Variants in RASAL2 observed in about 807,000 individuals in gnomAD.
RASAL2 encodes the protein RAS protein activator like 2.
A neutral mutation model predicts 128.9 loss-of-function variants in RASAL2; 58 were observed. The observed-to-expected ratio is 0.45, with a 90% CI of 0.36 to 0.56. RASAL2 has a LOEUF of 0.56. Among genes scored for constraint, RASAL2 ranks in the 20% least tolerant of loss-of-function variants. The pLI is 0.00. For synonymous variants in RASAL2, 561 were observed against 580.8 expected (o/e 0.97, Z 0.49); for missense variants, 1,360 against 1,601.6 (o/e 0.85, Z 2.57).
At chr1:178,123,906 C>T (rs1345888265) in intron 1 of RASAL2, 1 of 152,410 alleles carries the variant, frequency 6.6e-6, no homozygotes, top group Non-Finnish European at 1.5e-5. Context: ...CTTCTGGGCT[C>T]AAGCGATCCT....
At chr1:178,116,619 A>AT (rs1023379625) in intron 1 of RASAL2, among the ~76,000 whole-genome samples, 10 of 150,598 alleles carry the variant, frequency 6.6e-5, no homozygotes, top group Non-Finnish European at 8.9e-5. Flanking sequence ...ATTTTATTTT[A>AT]TTTTTTTTGA....
intron 1 of RASAL2, among the ~76,000 whole-genome samples, chr1:178,152,092 C>T (rs1203461586): frequency 6.6e-6 from 1 of 152,146 alleles, no homozygotes; most frequent in Non-Finnish European, 1.5e-5. Context: ...TGAATTGCCT[C>T]AGGATATGGC....
At chr1:178,174,305 C>T (rs564684982) in intron 1 of RASAL2, among the ~76,000 whole-genome samples, 1 of 151,860 alleles carries the variant, frequency 6.6e-6, no homozygotes, top group African/African-American at 2.4e-5. Flanking sequence ...TTTCTATATC[C>T]TAATTATTTG....
At chr1:178,406,001 A>G (rs1361959902) in intron 4 of RASAL2, among the ~76,000 whole-genome samples, 2 of 152,182 alleles carry the variant, frequency 1.3e-5, no homozygotes, top group African/African-American at 2.4e-5. Flanking sequence ...ATAACTAAGG[A>G]TTCCTTCCCT....
chr1:178,152,364 CTT>C (rs1660941481), intron 1 of RASAL2, among the ~76,000 whole-genome samples: 1 of 152,158 alleles, frequency 6.6e-6, no homozygotes, highest in African/African-American at 2.4e-5. Context: ...GGTTGTATCT[CTT>C]ATAATAAATC....
Position 178,404,210 on chromosome 1 carries a change from T to C in RASAL2, c.564+14004T>C, listed in dbSNP as rs180952309. Among the ~76,000 whole-genome samples the C allele has an allele frequency of 3.5e-3, 450 of 129,516 alleles. 2 individuals carry two copies. Among genetic ancestry groups the C allele is most frequent in the African/African-American group, 0.013 (428 of 33,556 alleles). 85.0% of individuals were successfully genotyped at this position (129,516 alleles called of 152,430 possible). On this transcript the variant is annotated intron_variant, in intron 4 of 17. Coordinates refer to ENST00000367649, the MANE Select transcript of RASAL2 (RefSeq NM_170692.4). ...CATTGCACTCCAGCTGAGGCTACAG[T>C]GCGAGACCCCGTCTCAAAAAAAAAA...
chr1:178,172,921 G>C lies in RASAL2; in HGVS notation c.202+78227G>C, dbSNP rs531041013. ...AAATACAGACTTCATCTATTTACCTGGTAATTGCATTCCTAGAAATTCAGT... is the reference window on the plus strand; with the variant it reads ...AAATACAGACTTCATCTATTTACCTCGTAATTGCATTCCTAGAAATTCAGT... On this transcript the variant is annotated intron_variant, in intron 1 of 17. Coordinates refer to ENST00000367649, the MANE Select transcript of RASAL2 (RefSeq NM_170692.4). 2.4e-4 allele frequency among the ~76,000 whole-genome samples: 36 copies of C among 152,120 alleles called. 1 individual carries two copies. The South Asian group carries it at 7.5e-3, about 32-fold the overall frequency.
At chr1:178,269,007 CAA>C (rs1292867239) in intron 1 of RASAL2, among the ~76,000 whole-genome samples, 1 of 152,050 alleles carries the variant, frequency 6.6e-6, no homozygotes, top group African/African-American at 2.4e-5. Context: ...TGTGTCTCCC[CAA>C]AGTTATTTTA....
Position 178,175,563 on chromosome 1 carries a change from A to G in RASAL2, c.202+80869A>G, listed in dbSNP as rs555876818. Among the ~76,000 whole-genome samples, 13 of 151,676 alleles carry G rather than the reference A, an allele frequency of 8.6e-5. No homozygotes were observed. The East Asian group carries it at 2.5e-3, about 29-fold the overall frequency. ...ACTTTTTAAAATTTCAACAGCTTTTAGTGTACAAGTGGTTTTTGGTTATAT... is the reference window on the plus strand; with the variant it reads ...ACTTTTTAAAATTTCAACAGCTTTTGGTGTACAAGTGGTTTTTGGTTATAT... On this transcript the variant is annotated intron_variant, in intron 1 of 17. Transcript: ENST00000367649.
At chr1:178,320,084 G>C (rs576943845) in intron 3 of RASAL2, among the ~76,000 whole-genome samples, 2 of 151,916 alleles carry the variant, frequency 1.3e-5, no homozygotes, top group Non-Finnish European at 1.5e-5. Flanking sequence ...CTGCTGGGGG[G>C]TGCCTCCCAG....
At chr1:178,239,983 G>A (rs1363456778) in intron 1 of RASAL2, among the ~76,000 whole-genome samples, 1 of 151,888 alleles carries the variant, frequency 6.6e-6, no homozygotes, top group Non-Finnish European at 1.5e-5. Flanking sequence ...ACATTGTGGT[G>A]CCTTGCTATC....
At chr1:178,284,514 A>G (rs1666929435) in intron 2 of RASAL2, among the ~76,000 whole-genome samples, 1 of 152,232 alleles carries the variant, frequency 6.6e-6, no homozygotes, top group South Asian at 2.1e-4. Flanking sequence ...TAACCAGGAC[A>G]GGCATCTAGT....
chr1:178,171,139 C>T (rs531330953), intron 1 of RASAL2, among the ~76,000 whole-genome samples: 1 of 151,784 alleles, frequency 6.6e-6, no homozygotes, highest in Non-Finnish European at 1.5e-5. Flanking sequence ...TATTTTTATC[C>T]GTATTATGTC....
chr1:178,204,655 T>C (rs1281749071), intron 1 of RASAL2, among the ~76,000 whole-genome samples: 1 of 152,208 alleles, frequency 6.6e-6, no homozygotes, highest in Non-Finnish European at 1.5e-5. Context: ...AGCAAAACAT[T>C]GAAATCTGAA....
chr1:178,326,285 C>A (rs1234512197), intron 3 of RASAL2, among the ~76,000 whole-genome samples: 1 of 152,080 alleles, frequency 6.6e-6, no homozygotes, highest in Non-Finnish European at 1.5e-5. Flanking sequence ...CAGTTCCCAT[C>A]AGGGAATAAG....
intron 1 of RASAL2, among the ~76,000 whole-genome samples, chr1:178,162,363 TAC>T (rs1156979258): frequency 8.0e-6 from 1 of 124,826 alleles, no homozygotes; most frequent in Non-Finnish European, 1.6e-5. Flanking sequence ...ATATATAATA[TAC>T]ATATAATATA....
At chr1:178,113,511 AGTGTGTGTGT>A (rs61642582) in intron 1 of RASAL2, among the ~76,000 whole-genome samples, 4,901 of 122,234 alleles carry the variant, frequency 0.04, 139 homozygotes, top group African/African-American at 0.072. Flanking sequence ...CATGCCTGCG[AGTGTGTGTGT>A]GTGTGTGTGT....
At chr1:178,177,246 A>G (rs1661928226) in intron 1 of RASAL2, among the ~76,000 whole-genome samples, 1 of 152,214 alleles carries the variant, frequency 6.6e-6, no homozygotes, top group African/African-American at 2.4e-5. Context: ...ATCTTAAGTT[A>G]TCTGGATCAG....
chr1:178,199,761 G>T (rs1329290683), intron 1 of RASAL2, among the ~76,000 whole-genome samples: 2 of 152,126 alleles, frequency 1.3e-5, no homozygotes, highest in African/African-American at 4.8e-5. Context: ...TGGATTGAAG[G>T]ATGCAAAGTA....
Sources: allele counts gnomAD v4.1 joint callset (sites outside exome capture counted in the v4.1 genomes callset), GRCh38; gene constraint gnomAD v4.1.1; transcripts MANE v1.5; gene names NCBI Gene and HGNC (gene_info 2026-07-23, HGNC 2026-07-21).